The following ZNF684 variants were observed in gnomAD, a reference collection of about 807,000 sequenced individuals.
The protein encoded by ZNF684 is zinc finger protein 684.
ZNF684 carries 13 observed loss-of-function variants against 12.8 expected under a neutral mutation model. That is an observed-to-expected ratio of 1.02 (90% CI 0.66 to 1.62). The LOEUF (loss-of-function observed/expected upper bound fraction) is 1.62, where lower values mean the gene tolerates loss of function less well. Among genes scored for constraint, ZNF684 ranks in the 40% most tolerant of loss-of-function variants. ZNF684 has a pLI of 0.00. For synonymous variants in ZNF684, 118 were observed against 151.8 expected (o/e 0.78, Z 1.64); for missense variants, 384 against 446.9 (o/e 0.86, Z 1.27).
At chr1:40,539,603 A>G (rs897598817) in intron 2 of ZNF684, among the ~76,000 whole-genome samples, 3 of 152,196 alleles carry the variant, frequency 2.0e-5, no homozygotes, top group Admixed American at 2.0e-4. Flanking sequence ...GTTTCTCCAC[A>G]TCCTTGCCAA....
Position 40,535,309 on chromosome 1 carries a change from G to C in ZNF684, c.15+2128G>C, listed in dbSNP as rs544652970. Among the ~76,000 whole-genome samples, 5 of 152,302 alleles carry C rather than the reference G, an allele frequency of 3.3e-5. No individual in the cohort carries two copies. The South Asian group carries it at 1.0e-3, about 32-fold the overall frequency. ...GTCCCACAGTACAGTTGGCCCTGTG[G>C]AACTTAAGGATAGGAAAAGTTGGCC... On this transcript the variant is annotated intron_variant, in intron 2 of 4. Coordinates refer to ENST00000372699, the MANE Select transcript of ZNF684 (RefSeq NM_152373.4).
At chr1:40,542,372 C>T (rs941726430) in intron 4 of ZNF684, among the ~76,000 whole-genome samples, 1 of 152,124 alleles carries the variant, frequency 6.6e-6, no homozygotes, top group African/African-American at 2.4e-5. Context: ...TTGCATCTTT[C>T]TTCTCCCTGA....
At chr1:40,543,999 T>A (rs1344876493) in intron 4 of ZNF684, among the ~76,000 whole-genome samples, 1 of 152,138 alleles carries the variant, frequency 6.6e-6, no homozygotes, top group Non-Finnish European at 1.5e-5. Flanking sequence ...TTTTTCTTTT[T>A]TTTTTTATGA....
intron 2 of ZNF684, among the ~76,000 whole-genome samples, chr1:40,539,425 G>A (rs1009951240): frequency 6.6e-6 from 1 of 152,068 alleles, no homozygotes; most frequent in Non-Finnish European, 1.5e-5. Flanking sequence ...TTGAGTCCAG[G>A]AGTTGGGTGC....
intron 3 of ZNF684, 95 bp downstream of exon 3, chr1:40,540,807 C>T: frequency 8.0e-7 from 1 of 1,256,658 alleles, no homozygotes; most frequent in Non-Finnish European, 1.0e-6. Context: ...ATTGTGGTCG[C>T]TCATGCTTAT....
chr1:40,539,093 AAT>A (rs1646000457), intron 2 of ZNF684, among the ~76,000 whole-genome samples: 3 of 151,136 alleles, frequency 2.0e-5, no homozygotes, highest in Non-Finnish European at 4.4e-5. Context: ...GCAGTGGCGC[AAT>A]CTCGGCTCAC....
At position 40,547,124 on chromosome 1, in the gene ZNF684, T is replaced by G; in HGVS notation, c.801T>G (p.Leu267=). ...SFNQHVKSHT[L]EKSFECKECG... is the part of the protein sequence containing the mutation. ...ATCAACACGTGAAATCTCATACACT[T>G]GAGAAGTCATTTGAATGTAAGGAAT... is the stretch of plus-strand genomic sequence containing the variant. The change falls in exon 5 of 5, where the codon CTT becomes CTG. Residue 267 remains leucine, a synonymous_variant. Transcript: ENST00000372699. 6.2e-7 allele frequency: 1 copy of G among 1,614,200 alleles called. No homozygotes were observed. Among genetic ancestry groups the G allele is most frequent in the Non-Finnish European group, 8.5e-7 (1 of 1,180,020 alleles).
At chr1:40,532,040 G>A (rs1378763231) in intron 1 of ZNF684, among the ~76,000 whole-genome samples, 2 of 152,142 alleles carry the variant, frequency 1.3e-5, no homozygotes, top group Non-Finnish European at 2.9e-5. Context: ...AGGTCACTAT[G>A]TAGGAGTCTG....
At chr1:40,544,362 T>C in intron 4 of ZNF684, 2 of 425,776 alleles carry the variant, frequency 4.7e-6, no homozygotes, top group South Asian at 1.6e-5. Flanking sequence ...AGTTTTGTTT[T>C]CTTGTTGTTG....
intron 2 of ZNF684, among the ~76,000 whole-genome samples, chr1:40,539,005 A>G (rs1645999859): frequency 6.6e-6 from 1 of 151,964 alleles, no homozygotes; most frequent in South Asian, 2.1e-4. Flanking sequence ...TGGGCAATGT[A>G]GTGAGACCCC....
intron 4 of ZNF684, among the ~76,000 whole-genome samples, chr1:40,543,520 G>T (rs1457360892): frequency 8.7e-5 from 13 of 150,280 alleles, no homozygotes; most frequent in Admixed American, 8.6e-4. Flanking sequence ...GCAGTTGCGA[G>T]ATCTGGGCTC....
rs765617307 is a variant in ZNF684 at position 40,541,557 on chromosome 1, G to T, written c.143-58G>T. Reference sequence around the variant, plus strand: ...GACTCAAGGAGGTAACCCAAGTTGTGAGCTGGTTGTTTGCCTAGCACTTTG... The same window carrying T: ...GACTCAAGGAGGTAACCCAAGTTGTTAGCTGGTTGTTTGCCTAGCACTTTG... On this transcript the variant is annotated intron_variant, in intron 3 of 4. Transcript: ENST00000372699. 6.1e-5 allele frequency: 85 copies of T among 1,401,368 alleles called. 1 individual carries two copies. The highest frequency in any genetic ancestry group is 9.4e-5 in the South Asian group (8 of 84,682). 86.8% of individuals were successfully genotyped at this position (1,401,368 alleles called of 1,614,324 possible). A position where few individuals can be genotyped will look rare whatever the true frequency, so the allele number is the denominator to read the frequency against.
In ZNF684 at chr1:40,547,555, G is replaced by C; in HGVS notation, c.*95G>C. The C allele has an allele frequency of 8.5e-7, 1 of 1,182,390 alleles. No homozygotes were observed. Among genetic ancestry groups the C allele is most frequent in the Non-Finnish European group, 1.1e-6 (1 of 877,400 alleles). The allele number at this position is 1,182,390 out of a possible 1,614,324, so 73.2% of individuals were successfully genotyped here. On this transcript the variant is annotated 3_prime_UTR_variant, in exon 5 of 5. Transcript: ENST00000372699. ...ATGGTGAGAAGTCTACAATTTAAAT[G>C]AATTTGGAAGAGTAGATTCCCATAA... is the stretch of plus-strand genomic sequence containing the variant.
At position 40,541,619 on chromosome 1, in the gene ZNF684, T is replaced by C. The variant is rs1352397754; in HGVS notation, c.147T>C (p.Cys49=). 6.2e-7 allele frequency: 1 copy of C among 1,612,472 alleles called. No homozygotes were observed. The highest frequency in any genetic ancestry group is 1.3e-5 in the African/African-American group (1 of 74,844). The change falls in exon 4 of 5, where the codon TGT becomes TGC. Residue 49 remains cysteine (C), a synonymous_variant. Transcript: ENST00000372699. Reference sequence around the variant, plus strand: ...ATGCTGTTTTCCCACCAACAGGATGTCCAATTACCAAAACAAAAGTGATCC... The same window carrying C: ...ATGCTGTTTTCCCACCAACAGGATGCCCAATTACCAAAACAAAAGTGATCC... ...ENYRNLISVG[C]PITKTKVILK...
chr1:40,545,223 C>G (rs549135386), intron 4 of ZNF684, among the ~76,000 whole-genome samples: 1 of 152,112 alleles, frequency 6.6e-6, no homozygotes, highest in African/African-American at 2.4e-5. Flanking sequence ...AGTCTAGCTC[C>G]GCAGAGAATA....
chr1:40,546,278 T>C (rs1248427275), intron 4 of ZNF684, among the ~76,000 whole-genome samples: 1 of 152,200 alleles, frequency 6.6e-6, no homozygotes, highest in Non-Finnish European at 1.5e-5. Context: ...ATGGGTCTTC[T>C]TCATTTTATG....
At chr1:40,532,394 A>G (rs1200096018) in intron 1 of ZNF684, among the ~76,000 whole-genome samples, 2 of 150,928 alleles carry the variant, frequency 1.3e-5, no homozygotes. Context: ...ATTCCTGCAT[A>G]AAACAGAGTT....
chr1:40,533,311 G>A, intron 2 of ZNF684, 130 bp downstream of exon 2: 1 of 938,302 alleles, frequency 1.1e-6, no homozygotes, highest in Non-Finnish European at 1.6e-6. Context: ...TAGAAGATTG[G>A]TAAGTTGATA....
intron 4 of ZNF684, among the ~76,000 whole-genome samples, chr1:40,545,915 C>CTTTTTTTTTT (rs55993619): frequency 5.9e-5 from 4 of 67,892 alleles, no homozygotes; most frequent in Non-Finnish European, 8.0e-5. Context: ...GTCTCCTTTT[C>CTTTTTTTTTT]TTTTTTTTTT....
Sources: gnomAD v4.1 joint callset for allele counts (sites outside exome capture counted in the v4.1 genomes callset) on GRCh38, gnomAD v4.1.1 for gene constraint, MANE v1.5 for transcripts, NCBI Gene and HGNC (gene_info 2026-07-23, HGNC 2026-07-21) for gene names.